The following PLCB1 variants were observed in gnomAD, a reference collection of about 807,000 sequenced individuals.
The protein encoded by PLCB1 is phospholipase C beta 1.
PLCB1 carries 46 observed loss-of-function variants against 161.8 expected under a neutral mutation model. The ratio of observed to expected loss-of-function variants is 0.28; its 90% confidence interval spans 0.22 to 0.36. The LOEUF is 0.36. Ranked by LOEUF, PLCB1 falls within the 10% of genes least tolerant of loss-of-function variation. The pLI is 1.00. For synonymous variants in PLCB1, 517 were observed against 503.7 expected (o/e 1.03, Z -0.35); for missense variants, 1,016 against 1,472.5 (o/e 0.69, Z 5.07).
intron 3 of PLCB1, among the ~76,000 whole-genome samples, chr20:8,586,355 G>GT (rs1986990700): frequency 3.4e-5 from 4 of 118,318 alleles, no homozygotes; most frequent in African/African-American, 1.5e-4. Flanking sequence ...TATTTATTAT[G>GT]GTTTTTTTTT....
intron 2 of PLCB1, among the ~76,000 whole-genome samples, chr20:8,210,446 C>T (rs866549647): frequency 2.0e-5 from 3 of 152,136 alleles, no homozygotes; most frequent in Non-Finnish European, 4.4e-5. Flanking sequence ...CCTTTAAATT[C>T]ATTAAATCTG....
intron 31 of PLCB1, among the ~76,000 whole-genome samples, chr20:8,811,879 A>G (rs1600347584): frequency 6.6e-6 from 1 of 152,310 alleles, no homozygotes; most frequent in Middle Eastern, 3.4e-3. Context: ...TAATAAACTC[A>G]TATATTTCCT....
chr20:8,227,850 G>A (rs528935661), intron 2 of PLCB1, among the ~76,000 whole-genome samples: 2 of 152,244 alleles, frequency 1.3e-5, no homozygotes, highest in South Asian at 2.1e-4. Context: ...CACTCAAAGA[G>A]ATGACTTATT....
At chr20:8,818,106 A>AT (rs1985163614) in intron 31 of PLCB1, among the ~76,000 whole-genome samples, 1 of 152,194 alleles carries the variant, frequency 6.6e-6, no homozygotes, top group African/African-American at 2.4e-5. Context: ...GGTACAGGAG[A>AT]TTATCTGAAG....
intron 3 of PLCB1, among the ~76,000 whole-genome samples, chr20:8,374,958 G>A (rs897043924): frequency 3.3e-5 from 5 of 151,968 alleles, no homozygotes; most frequent in Admixed American, 6.6e-5. Context: ...TGTTTTTTGT[G>A]CCTGCTGTGA....
intron 3 of PLCB1, among the ~76,000 whole-genome samples, chr20:8,590,436 C>A (rs1241231458): frequency 1.3e-5 from 2 of 151,910 alleles, no homozygotes; most frequent in Non-Finnish European, 2.9e-5. Flanking sequence ...TCACCTTTTT[C>A]TTTGCTCTTT....
chr20:8,443,266 C>T (rs1980654640), intron 3 of PLCB1, among the ~76,000 whole-genome samples: 1 of 152,120 alleles, frequency 6.6e-6, no homozygotes, highest in South Asian at 2.1e-4. Context: ...AGGCGTGAGC[C>T]ACAGCACCTG....
At chr20:8,806,262 A>G (rs182010499) in intron 31 of PLCB1, among the ~76,000 whole-genome samples, 1 of 152,184 alleles carries the variant, frequency 6.6e-6, no homozygotes, top group Admixed American at 6.5e-5. Flanking sequence ...TTCCGTGTTC[A>G]TCGCATCTGC....
At chr20:8,675,543 A>G (rs1327450050) in intron 9 of PLCB1, among the ~76,000 whole-genome samples, 1 of 152,236 alleles carries the variant, frequency 6.6e-6, no homozygotes, top group Non-Finnish European at 1.5e-5. Flanking sequence ...ACCATTACCT[A>G]CAAATACAAG....
intron 3 of PLCB1, among the ~76,000 whole-genome samples, chr20:8,389,522 C>A (rs1480209500): frequency 6.6e-6 from 1 of 152,158 alleles, no homozygotes; most frequent in Non-Finnish European, 1.5e-5. Flanking sequence ...TAATGAAACC[C>A]AGGTCTTTTC....
rs1341890420 is a variant in PLCB1 at position 8,733,275 on chromosome 20, C to T, written c.1926C>T (p.Tyr642=). ...AAATAAATATGGGGATGTATGAATA[C>T]AACGGGAAGAGTGGCTACAGATTGA... ...AMQINMGMYE[Y]NGKSGYRLKP... Residue 642 remains tyrosine, a synonymous_variant, in exon 19 of 32, where the codon TAC becomes TAT. Coordinates refer to ENST00000338037, the MANE Select transcript of PLCB1 (RefSeq NM_015192.4). The T allele has an allele frequency of 5.0e-6, 8 of 1,613,884 alleles. No individual in the cohort carries two copies. Among genetic ancestry groups the T allele is most frequent in the Non-Finnish European group, 6.8e-6 (8 of 1,179,898 alleles).
At chr20:8,858,189 C>G (rs931389600) in intron 31 of PLCB1, among the ~76,000 whole-genome samples, 1 of 152,126 alleles carries the variant, frequency 6.6e-6, no homozygotes, top group African/African-American at 2.4e-5. Context: ...GCAGTCAAAA[C>G]ATAAACTAAA....
chr20:8,557,454 A>C (rs763706290), intron 3 of PLCB1, among the ~76,000 whole-genome samples: 1 of 152,070 alleles, frequency 6.6e-6, no homozygotes, highest in African/African-American at 2.4e-5. Flanking sequence ...AAAAGGACAG[A>C]TATTTGTATG....
At chr20:8,718,363 T>C (rs888150887) in intron 14 of PLCB1, among the ~76,000 whole-genome samples, 2 of 152,228 alleles carry the variant, frequency 1.3e-5, no homozygotes, top group Non-Finnish European at 2.9e-5. Flanking sequence ...CCTCTAGTCC[T>C]GTAAGTCAGG....
At chr20:8,645,023 A>G (rs570541236) in intron 4 of PLCB1, among the ~76,000 whole-genome samples, 1 of 152,246 alleles carries the variant, frequency 6.6e-6, no homozygotes, top group Admixed American at 6.5e-5. Context: ...CTTACCCCCA[A>G]CCCTGTGCTC....
intron 3 of PLCB1, among the ~76,000 whole-genome samples, chr20:8,467,739 A>C (rs751833809): frequency 7.9e-5 from 12 of 152,224 alleles, no homozygotes; most frequent in Non-Finnish European, 1.6e-4. Context: ...GGGTGCTTTC[A>C]TCATCTTGGT....
At position 8,339,697 on chromosome 20, in the gene PLCB1, A is replaced by G. The variant is rs140475447; in HGVS notation, c.178-31685A>G. Among the ~76,000 whole-genome samples the G allele has an allele frequency of 3.4e-3, 514 of 152,324 alleles. 3 individuals carry two copies. The highest frequency in any genetic ancestry group is 0.012 in the African/African-American group (479 of 41,574). Reference sequence around the variant, plus strand: ...TTTTTTGGTTGATCCTCATCACTGAAACTTCATAGTCATGAGCTGTCTCTT... The same window carrying G: ...TTTTTTGGTTGATCCTCATCACTGAGACTTCATAGTCATGAGCTGTCTCTT... On this transcript the variant is annotated intron_variant, in intron 2 of 31. Transcript: ENST00000338037.
intron 3 of PLCB1, among the ~76,000 whole-genome samples, chr20:8,508,776 A>G (rs1435227461): frequency 3.9e-5 from 6 of 152,202 alleles, no homozygotes; most frequent in Non-Finnish European, 7.4e-5. Flanking sequence ...TAAAACATGT[A>G]TATGCTTTGA....
chr20:8,495,388 CTTTTTTTTTTTT>C (rs869173548), intron 3 of PLCB1, among the ~76,000 whole-genome samples: 2 of 94,360 alleles, frequency 2.1e-5, no homozygotes, highest in Non-Finnish European at 4.1e-5. Flanking sequence ...ACCTTCCTTT[CTTTTTTTTTTTT>C]TTTTTTTTTT....
Sources: gnomAD v4.1 joint callset for allele counts (sites outside exome capture counted in the v4.1 genomes callset) on GRCh38, gnomAD v4.1.1 for gene constraint, MANE v1.5 for transcripts, NCBI Gene and HGNC (gene_info 2026-07-23, HGNC 2026-07-21) for gene names.